Variants in ITGA4 observed in about 807,000 individuals in gnomAD.
ITGA4 encodes the protein integrin subunit alpha 4.
In ITGA4, 63 loss-of-function variants were observed where a neutral mutation model predicts 133.6. The ratio of observed to expected loss-of-function variants is 0.47; its 90% CI spans 0.38 to 0.58. The LOEUF is 0.58. ITGA4 is among the 20% of genes least tolerant of loss of function. The pLI is 0.00. For missense variants in ITGA4, 1,076 were observed against 1,252.7 expected, an observed-to-expected ratio of 0.86 and a Z score of 2.13; for synonymous variants, 483 against 438.0, an observed-to-expected ratio of 1.10 and a Z score of -1.28.
chr2:181,482,759 A>G, intron 9 of ITGA4, 108 bp downstream of exon 9: 1 of 1,044,196 alleles, frequency 9.6e-7, no homozygotes, highest in Non-Finnish European at 1.4e-6. Context: ...TTTATTGACA[A>G]AAGTTAAAAT....
Position 181,478,829 on chromosome 2 carries a change from T to C in ITGA4, c.624+5T>C, listed in dbSNP as rs1379738959. The C allele has an allele frequency of 2.8e-6, 4 of 1,416,914 alleles. No homozygotes were observed. The highest frequency in any genetic ancestry group is 3.8e-6 in the Non-Finnish European group (4 of 1,057,942). 87.8% of individuals were successfully genotyped at this position (1,416,914 alleles called of 1,614,324 possible). A position where few individuals can be genotyped will look rare whatever the true frequency, so the allele number is the denominator to read the frequency against. ...ATATCCAGTTTTTACACAAAGGTAA[T>C]TGTTCAAAAAATAGCTGCTATAAAT... On this transcript the variant is annotated splice_donor_5th_base_variant and intron_variant, in intron 5 of 27. Transcript: ENST00000397033.
At chr2:181,509,314 A>G (rs1280109695) in intron 15 of ITGA4, among the ~76,000 whole-genome samples, 1 of 152,068 alleles carries the variant, frequency 6.6e-6, no homozygotes, top group Non-Finnish European at 1.5e-5. Context: ...AATGATTTAC[A>G]AAAAGTTTAT....
chr2:181,460,191 A>G (rs1281421919), intron 2 of ITGA4, among the ~76,000 whole-genome samples: 2 of 152,238 alleles, frequency 1.3e-5, no homozygotes, highest in African/African-American at 4.8e-5. Context: ...GCCAATCTAC[A>G]AGGTATTTAC....
intron 10 of ITGA4, among the ~76,000 whole-genome samples, chr2:181,488,489 T>G (rs1260499649): frequency 3.3e-5 from 5 of 152,212 alleles, no homozygotes; most frequent in African/African-American, 2.4e-5. Context: ...TTACATTTAG[T>G]GGCTACATTA....
At chr2:181,527,132 G>A (rs1018323224) in intron 21 of ITGA4, among the ~76,000 whole-genome samples, 165 bp from the exon 22 acceptor site, 3 of 151,722 alleles carry the variant, frequency 2.0e-5, no homozygotes, top group Non-Finnish European at 4.4e-5. Context: ...CACTGCTCCC[G>A]GCCCTAATTT....
intron 10 of ITGA4, among the ~76,000 whole-genome samples, chr2:181,486,474 G>GC (rs992708196): frequency 1.3e-5 from 2 of 152,170 alleles, no homozygotes; most frequent in Non-Finnish European, 2.9e-5. Flanking sequence ...CCCCTGCTCT[G>GC]CCAGGCATTC....
intron 10 of ITGA4, 146 bp downstream of exon 10, chr2:181,486,138 A>G (rs1685912877): frequency 1.2e-5 from 12 of 974,902 alleles, no homozygotes; most frequent in Non-Finnish European, 1.7e-5. Context: ...CTTTAGTGTT[A>G]TATATGACTT....
chr2:181,481,654 G>A lies in ITGA4; in HGVS notation c.811G>A (p.Gly271Arg). The A allele has an allele frequency of 6.3e-7, 1 of 1,597,148 alleles. No homozygotes were observed. The highest frequency in any genetic ancestry group is 8.6e-7 in the Non-Finnish European group (1 of 1,166,930). ...RSQHTTEVVG[G>R]APQHEQIGKA... ...CCAGCATACTACCGAAGTAGTCGGAGGAGCTCCTCAACATGAGCAGATTGG... is the reference window on the plus strand; with the variant it reads ...CCAGCATACTACCGAAGTAGTCGGAAGAGCTCCTCAACATGAGCAGATTGG... The change falls in exon 7 of 28, where the codon GGA becomes AGA. Residue 271 changes from glycine to arginine, a missense_variant. Coordinates refer to ENST00000397033, the MANE Select transcript of ITGA4 (RefSeq NM_000885.6).
chr2:181,494,903 G>T, intron 12 of ITGA4, 91 bp downstream of exon 12: 2 of 710,890 alleles, frequency 2.8e-6, no homozygotes, highest in East Asian at 2.5e-5. Context: ...TGGTATGAAA[G>T]ACTTCATCTT....
intron 2 of ITGA4, among the ~76,000 whole-genome samples, chr2:181,472,418 G>A (rs557434935): frequency 6.6e-6 from 1 of 152,200 alleles, no homozygotes; most frequent in East Asian, 1.9e-4. Flanking sequence ...TAATGAAAGT[G>A]TCTATTATAC....
intron 22 of ITGA4, among the ~76,000 whole-genome samples, chr2:181,529,136 C>G (rs554130583): frequency 4.6e-5 from 7 of 152,152 alleles, no homozygotes; most frequent in Non-Finnish European, 8.8e-5. Context: ...CTTGGGAACA[C>G]TAAGAACACC....
rs1267008295 is a variant in ITGA4 at position 181,485,920 on chromosome 2, A to G, written c.1081A>G (p.Ser361Gly). ...MNAMETNLVG[S>G]DKYAARFGES... is the part of the protein sequence containing the mutation. ...TGCAATGGAAACAAACCTCGTTGGA[A>G]GTGACAAATATGCTGCAAGATTTGG... The change falls in exon 10 of 28, where the codon AGT becomes GGT. Residue 361 changes from serine (S) to glycine (G), a missense_variant. Ser to Gly is a moderately conservative substitution (Grantham distance 56). Transcript: ENST00000397033. 1 of 1,605,818 alleles carries G rather than the reference A, an allele frequency of 6.2e-7. No individual in the cohort carries two copies. The highest frequency in any genetic ancestry group is 1.7e-5 in the Admixed American group (1 of 57,252).
intron 2 of ITGA4, among the ~76,000 whole-genome samples, chr2:181,473,300 T>C (rs11694175): frequency 0.52 from 79,158 of 152,016 alleles, 20,941 homozygotes; most frequent in Admixed American, 0.64. Flanking sequence ...GCAAACCCTA[T>C]TACGAACTGC....
chr2:181,494,848 A>G lies in ITGA4; in HGVS notation c.1339+36A>G, dbSNP rs1246255008. 3.7e-6 allele frequency: 4 copies of G among 1,081,112 alleles called. No individual in the cohort carries two copies. The Admixed American group carries it at 6.7e-5, about 18-fold the overall frequency. The allele number at this position is 1,081,112 out of a possible 1,614,324, so 67.0% of individuals were successfully genotyped here. A position where few individuals can be genotyped will look rare whatever the true frequency, so the allele number is the denominator to read the frequency against. ...AGTTTATCATAATTTATAAATTGGA[A>G]TAAGCTCTATCATAGATACTGCTTT... On this transcript the variant is annotated intron_variant, in intron 12 of 27. Transcript: ENST00000397033.
Position 181,538,293 on chromosome 2 carries a change from A to G in ITGA4, c.*2766A>G, listed in dbSNP as rs368088937. The G allele has an allele frequency of 5.6e-6, 6 of 1,073,014 alleles. No individual in the cohort carries two copies. In the Admixed American group the frequency reaches 1.0e-4, roughly 19 times the overall value. The allele number at this position is 1,073,014 out of a possible 1,614,324, so 66.5% of individuals were successfully genotyped here. On this transcript the variant is annotated 3_prime_UTR_variant, in exon 28 of 28. Transcript: ENST00000397033. ...ATCAACTTATTTTGTTGTTTTTCAC[A>G]TACACCTAATAAGTATGGTACACAA...
chr2:181,502,238 G>A (rs556455885), intron 15 of ITGA4, among the ~76,000 whole-genome samples: 13 of 152,042 alleles, frequency 8.6e-5, no homozygotes, highest in Non-Finnish European at 1.3e-4. Flanking sequence ...GTGGGGGAAC[G>A]GGGGGAAGGA....
At chr2:181,460,081 A>C (rs760152402) in intron 2 of ITGA4, among the ~76,000 whole-genome samples, 8 of 152,244 alleles carry the variant, frequency 5.3e-5, no homozygotes, top group Non-Finnish European at 1.2e-4. Context: ...TGGATGGATG[A>C]ATGAATAAAA....
In ITGA4 at chr2:181,494,793, A is replaced by T. The variant is rs780396258; in HGVS notation, c.1320A>T (p.Ala440=). 1.3e-6 allele frequency: 2 copies of T among 1,564,298 alleles called. No individual in the cohort carries two copies. Among genetic ancestry groups the T allele is most frequent in the East Asian group, 4.5e-5 (2 of 44,558 alleles). The change falls in exon 12 of 28, where the codon GCA becomes GCT. Residue 440 remains alanine, a synonymous_variant. Transcript: ENST00000397033. The part of the protein sequence containing the change: ...FGQSISGQID[A]DNNGYVDVAV... ...AGTCTATATCAGGACAAATTGATGC[A>T]GATAATAATGGCTATGTAGGTGAGT...
chr2:181,506,887 G>A (rs1686405968), intron 15 of ITGA4, among the ~76,000 whole-genome samples: 1 of 152,090 alleles, frequency 6.6e-6, no homozygotes, highest in Non-Finnish European at 1.5e-5. Flanking sequence ...TTAGTAGGAG[G>A]TCTGTCAATT....
Sources: gnomAD v4.1 joint callset for allele counts (sites outside exome capture counted in the v4.1 genomes callset) on GRCh38, gnomAD v4.1.1 for gene constraint, MANE v1.5 for transcripts, NCBI Gene and HGNC (gene_info 2026-07-23, HGNC 2026-07-21) for gene names.